SRGAP1: variants seen among roughly 807,000 people sequenced by gnomAD.
SRGAP1 encodes SLIT-ROBO Rho GTPase-activating protein 1.
A neutral mutation model predicts 121.9 loss-of-function variants in SRGAP1; 43 were observed. That is an observed-to-expected ratio of 0.35 (90% CI 0.28 to 0.46). SRGAP1 has a LOEUF of 0.46. SRGAP1 is among the 20% of genes least tolerant of loss of function. SRGAP1 has a pLI of 1.00. For synonymous variants in SRGAP1, 447 were observed against 485.4 expected (o/e 0.92, Z 1.04); for missense variants, 1,102 against 1,350.9 (o/e 0.82, Z 2.89).
At chr12:63,944,989 TC>T (rs2031996352) in intron 1 of SRGAP1, among the ~76,000 whole-genome samples, 3 of 152,116 alleles carry the variant, frequency 2.0e-5, no homozygotes, top group Non-Finnish European at 4.4e-5. Flanking sequence ...GAGCCACTGA[TC>T]CACTTCTCAT....
chr12:64,043,772 C>T (rs1165609804), intron 6 of SRGAP1, 197 bp downstream of exon 6: 4 of 432,018 alleles, frequency 9.3e-6, no homozygotes, highest in Non-Finnish European at 1.6e-5. Context: ...AAGCGTGTAT[C>T]CTAAAACCAA....
intron 18 of SRGAP1, among the ~76,000 whole-genome samples, chr12:64,116,665 C>T (rs1460622995): frequency 1.3e-5 from 2 of 152,072 alleles, no homozygotes; most frequent in South Asian, 2.1e-4. Context: ...ATTTTCTACT[C>T]GTTGCTATTA....
At chr12:64,032,682 A>C (rs1417825610) in intron 4 of SRGAP1, 2 of 295,502 alleles carry the variant, frequency 6.8e-6, no homozygotes, top group Non-Finnish European at 1.3e-5. Context: ...GAGCTTTCAA[A>C]GCAAAAAAAA....
At chr12:63,989,837 C>A in intron 2 of SRGAP1, 73 bp from the exon 3 acceptor site, 1 of 1,200,936 alleles carries the variant, frequency 8.3e-7, no homozygotes, top group Non-Finnish European at 1.2e-6. Flanking sequence ...CTTTAGTTTG[C>A]CTTGGTGACT....
Position 63,883,751 on chromosome 12 carries a change from C to T in SRGAP1, c.67+38868C>T, listed in dbSNP as rs991973641. Among the ~76,000 whole-genome samples, 5 of 151,264 alleles carry T rather than the reference C, an allele frequency of 3.3e-5. No homozygotes were observed. In the South Asian group the frequency reaches 6.3e-4, roughly 19 times the overall value. On this transcript the variant is annotated intron_variant, in intron 1 of 21. Transcript: ENST00000355086. ...TCGGCTCACTGCAAGCTCCACCTCC[C>T]GGGTTCACGCCATTCTCCTGCCTCA...
At chr12:63,951,152 CTTTTTTTTTTTTTTTT>C (rs58637983) in intron 1 of SRGAP1, among the ~76,000 whole-genome samples, 1 of 44,184 alleles carries the variant, frequency 2.3e-5, no homozygotes, top group South Asian at 1.5e-3. Flanking sequence ...ATTTAGAACT[CTTTTTTTTTTTTTTTT>C]TTTTTTTTTT....
intron 6 of SRGAP1, among the ~76,000 whole-genome samples, chr12:64,046,002 G>C (rs142584075): frequency 2.9e-4 from 44 of 152,292 alleles, no homozygotes; most frequent in Middle Eastern, 3.4e-3. Context: ...TATGGATGTG[G>C]TTCTTTTGAT....
chr12:63,859,697 A>G (rs1899381848), intron 1 of SRGAP1, among the ~76,000 whole-genome samples: 2 of 152,192 alleles, frequency 1.3e-5, no homozygotes, highest in Non-Finnish European at 2.9e-5. Flanking sequence ...GAATGTAAGC[A>G]TCTTTTAAAA....
chr12:64,034,627 G>T (rs373740221), intron 4 of SRGAP1, among the ~76,000 whole-genome samples: 1 of 152,086 alleles, frequency 6.6e-6, no homozygotes, highest in South Asian at 2.1e-4. Flanking sequence ...TTATATGTCA[G>T]CCTCTTCTGT....
chr12:64,125,627 G>T (rs969397523), intron 18 of SRGAP1, among the ~76,000 whole-genome samples: 1 of 152,088 alleles, frequency 6.6e-6, no homozygotes, highest in African/African-American at 2.4e-5. Context: ...TCATATTGAA[G>T]CAATTGTGGA....
intron 1 of SRGAP1, chr12:63,982,827 A>T (rs2033289708): frequency 6.6e-6 from 1 of 152,180 alleles, no homozygotes; most frequent in South Asian, 2.1e-4. Flanking sequence ...TTTCCAAAAC[A>T]CACGTTTCTT....
In SRGAP1 at chr12:63,848,638, G is replaced by C. The variant is rs184674219; in HGVS notation, c.67+3755G>C. Among the ~76,000 whole-genome samples the C allele has an allele frequency of 9.5e-3, 1,446 of 151,898 alleles. 14 individuals are homozygous for C. The highest frequency in any genetic ancestry group is 0.024 in the South Asian group (117 of 4,802). On this transcript the variant is annotated intron_variant, in intron 1 of 21. Coordinates refer to ENST00000355086, the MANE Select transcript of SRGAP1 (RefSeq NM_020762.4). ...CTGCTCTCTGAAGCCTCTGCCTTCC[G>C]GTTTCAAGTGATTCTCATGCCTCAG...
At chr12:63,872,133 G>T in intron 1 of SRGAP1, 2 of 476,312 alleles carry the variant, frequency 4.2e-6, no homozygotes, top group Non-Finnish European at 7.7e-6. Context: ...CTAACCGGGA[G>T]TTTTTCTTTA....
rs1272975586 is a variant in SRGAP1 at position 64,157,773 on chromosome 12, A to G, written c.*15101A>G. On this transcript the variant is annotated 3_prime_UTR_variant, in exon 22 of 22. Transcript: ENST00000355086. ...TGTTAGCTGTGTGATTTCACAAGAG[A>G]TAACTGATGCTAGCTGCTGTAACAA... 1.3e-5 allele frequency: 2 copies of G among 151,352 alleles called. No homozygotes were observed. The highest frequency in any genetic ancestry group is 3.9e-4 in the East Asian group (2 of 5,078). 9.4% of individuals were successfully genotyped at this position (151,352 alleles called of 1,614,324 possible).
chr12:64,119,885 C>T (rs2036579373), intron 18 of SRGAP1, among the ~76,000 whole-genome samples: 1 of 151,340 alleles, frequency 6.6e-6, no homozygotes, highest in Non-Finnish European at 1.5e-5. Flanking sequence ...ATTCTCCTGC[C>T]TCAGCCTCCC....
intron 1 of SRGAP1, among the ~76,000 whole-genome samples, chr12:63,895,226 A>G (rs1900716389): frequency 6.6e-6 from 1 of 152,196 alleles, no homozygotes; most frequent in Non-Finnish European, 1.5e-5. Context: ...ACTGAAGACT[A>G]GAGCCTTCTT....
At chr12:63,917,495 G>A (rs150707427) in intron 1 of SRGAP1, among the ~76,000 whole-genome samples, 24 of 152,230 alleles carry the variant, frequency 1.6e-4, no homozygotes, top group Admixed American at 3.3e-4. Flanking sequence ...ACAGCACTGC[G>A]CAGTTGCTCC....
At chr12:64,123,668 ATTTATTTAT>A (rs2036639923) in intron 18 of SRGAP1, among the ~76,000 whole-genome samples, 2 of 150,118 alleles carry the variant, frequency 1.3e-5, no homozygotes, top group South Asian at 4.2e-4. Flanking sequence ...TTATTTATTT[ATTTATTTAT>A]TTATTTATTT....
At chr12:63,962,227 A>G (rs2032662589) in intron 1 of SRGAP1, among the ~76,000 whole-genome samples, 1 of 152,178 alleles carries the variant, frequency 6.6e-6, no homozygotes, top group Non-Finnish European at 1.5e-5. Flanking sequence ...TTCAAACTAC[A>G]TACTTTGGGA....
Sources: gnomAD v4.1 joint callset for allele counts (sites outside exome capture counted in the v4.1 genomes callset) on GRCh38, gnomAD v4.1.1 for gene constraint, MANE v1.5 for transcripts, NCBI Gene and HGNC (gene_info 2026-07-23, HGNC 2026-07-21) for gene names.